SUCLG2: variants seen among roughly 807,000 people sequenced by gnomAD.
SUCLG2 encodes succinate--CoA ligase [GDP-forming] subunit beta, mitochondrial.
Under a neutral mutation model 47.9 loss-of-function variants are expected in SUCLG2, and 42 were observed. The observed-to-expected ratio is 0.88, with a 90% confidence interval of 0.69 to 1.14. The LOEUF (loss-of-function observed/expected upper bound fraction) is 1.14, where lower values mean the gene tolerates loss of function less well. Among genes scored for constraint, SUCLG2 ranks in the 50% most tolerant of loss-of-function variants. The pLI is 0.00. For missense variants in SUCLG2, 571 were observed against 525.9 expected (o/e 1.09, Z -0.84); for synonymous variants, 195 against 197.3 (o/e 0.99, Z 0.10).
At chr3:67,478,107 A>T (rs1438919570) in intron 9 of SUCLG2, among the ~76,000 whole-genome samples, 1 of 152,170 alleles carries the variant, frequency 6.6e-6, no homozygotes, top group Non-Finnish European at 1.5e-5. Flanking sequence ...AACTTAGGCA[A>T]CCTGGCTCTA....
At chr3:67,515,587 T>G (rs1256223446) in intron 6 of SUCLG2, among the ~76,000 whole-genome samples, 1 of 152,174 alleles carries the variant, frequency 6.6e-6, no homozygotes, top group African/African-American at 2.4e-5. Flanking sequence ...GTGAGGTACC[T>G]CCAAATGCCT....
At chr3:67,376,012 T>C in intron 10 of SUCLG2, 153 bp from the exon 11 acceptor site, 1 of 985,412 alleles carries the variant, frequency 1.0e-6, no homozygotes, top group Non-Finnish European at 1.2e-6. Context: ...CAGAAAAGAT[T>C]ATGTGATGAA....
chr3:67,559,206 T>C (rs1707241650), intron 2 of SUCLG2, among the ~76,000 whole-genome samples: 1 of 152,078 alleles, frequency 6.6e-6, no homozygotes, highest in African/African-American at 2.4e-5. Context: ...CATGAGAAGG[T>C]AGAGTAAGAG....
intron 2 of SUCLG2, among the ~76,000 whole-genome samples, chr3:67,569,690 T>C (rs951604812): frequency 3.0e-4 from 46 of 152,362 alleles, no homozygotes; most frequent in Middle Eastern, 3.4e-3. Context: ...AGATAACTTG[T>C]CTGGTTTCAC....
chr3:67,444,826 A>G (rs1313580499), intron 9 of SUCLG2, among the ~76,000 whole-genome samples: 1 of 8,224 alleles, frequency 1.2e-4, no homozygotes, highest in African/African-American at 6.7e-4. Context: ...TGGGGGTGTC[A>G]GTCCCCCGCC....
chr3:67,645,653 C>A (rs1701177638), intron 1 of SUCLG2, among the ~76,000 whole-genome samples: 1 of 151,942 alleles, frequency 6.6e-6, no homozygotes, highest in Admixed American at 6.6e-5. Context: ...TAAAAGAGCC[C>A]TGAATCTTAA....
chr3:67,432,001 T>C (rs993290179), intron 9 of SUCLG2, among the ~76,000 whole-genome samples: 28 of 152,178 alleles, frequency 1.8e-4, no homozygotes, highest in African/African-American at 6.0e-4. Flanking sequence ...GGGTGGTACA[T>C]TGAGGGTGTC....
chr3:67,466,465 TCAA>T (rs1414421078), intron 9 of SUCLG2, among the ~76,000 whole-genome samples: 6 of 152,242 alleles, frequency 3.9e-5, no homozygotes, highest in Non-Finnish European at 8.8e-5. Context: ...ACTGGTTTGA[TCAA>T]GGCTGACTGC....
chr3:67,500,075 T>G (rs1705455760), intron 7 of SUCLG2, among the ~76,000 whole-genome samples: 1 of 152,164 alleles, frequency 6.6e-6, no homozygotes, highest in Admixed American at 6.5e-5. Flanking sequence ...CAGGAATCTT[T>G]GAACAATAAT....
chr3:67,577,155 C>T (rs983616375), intron 2 of SUCLG2, among the ~76,000 whole-genome samples: 2 of 151,902 alleles, frequency 1.3e-5, no homozygotes, highest in Admixed American at 6.6e-5. Context: ...CTAAAAAGTA[C>T]AAAAAAATTA....
chr3:67,436,203 A>G (rs1703616610), intron 9 of SUCLG2, among the ~76,000 whole-genome samples: 1 of 152,348 alleles, frequency 6.6e-6, no homozygotes, highest in East Asian at 1.9e-4. Context: ...GCTACTGCTA[A>G]TAATGAATGA....
chr3:67,494,666 T>G (rs1705285251), intron 9 of SUCLG2, among the ~76,000 whole-genome samples: 1 of 152,112 alleles, frequency 6.6e-6, no homozygotes, highest in South Asian at 2.1e-4. Context: ...AAGTTTTATA[T>G]CAAATTGTTG....
In SUCLG2 at chr3:67,363,844, T is replaced by A. The variant is rs540192632; in HGVS notation, c.1184-3076A>T. On this transcript the variant is annotated intron_variant, in intron 10 of 10. Coordinates refer to the SUCLG2 transcript ENST00000493112. ...CTGTACAAAAGTAAATTTCTGGACA[T>A]TCTACATCAAATATAAGATGGCTTT... Among the ~76,000 whole-genome samples, 3 of 134,794 alleles carry A rather than the reference T, an allele frequency of 2.2e-5. No homozygotes were observed. The South Asian group carries it at 7.5e-4, about 34-fold the overall frequency. 88.4% of individuals were successfully genotyped at this position (134,794 alleles called of 152,430 possible). A position where few individuals can be genotyped will look rare whatever the true frequency, so the allele number is the denominator to read the frequency against.
chr3:67,459,272 T>G (rs142727990), intron 9 of SUCLG2, among the ~76,000 whole-genome samples: 5 of 152,298 alleles, frequency 3.3e-5, no homozygotes, highest in African/African-American at 1.2e-4. Context: ...CTTTGTATTC[T>G]GAAATAACAA....
At chr3:67,491,945 C>G (rs909827461) in intron 9 of SUCLG2, among the ~76,000 whole-genome samples, 3 of 152,082 alleles carry the variant, frequency 2.0e-5, no homozygotes, top group Admixed American at 6.6e-5. Context: ...AAATAGCATG[C>G]CCAAGGTCCC....
intron 1 of SUCLG2, among the ~76,000 whole-genome samples, chr3:67,653,670 G>A (rs1270858128): frequency 2.0e-5 from 3 of 152,244 alleles, no homozygotes; most frequent in Non-Finnish European, 4.4e-5. Flanking sequence ...TAAAAGGGAA[G>A]AGAGATAGTC....
At chr3:67,508,714 C>A in intron 7 of SUCLG2, 93 bp downstream of exon 7, 1 of 938,614 alleles carries the variant, frequency 1.1e-6, no homozygotes, top group South Asian at 1.8e-5. Context: ...GAAATTTATG[C>A]AAAGCTGCTG....
At chr3:67,603,482 T>C (rs1376972521) in intron 2 of SUCLG2, among the ~76,000 whole-genome samples, 1 of 152,202 alleles carries the variant, frequency 6.6e-6, no homozygotes, top group African/African-American at 2.4e-5. Context: ...AATGGAAACA[T>C]GTTATAGCTG....
chr3:67,412,927 AG>A (rs1364277536), intron 9 of SUCLG2, among the ~76,000 whole-genome samples: 1 of 152,186 alleles, frequency 6.6e-6, no homozygotes, highest in Non-Finnish European at 1.5e-5. Context: ...TCAACCTTCT[AG>A]AACTGGAAGG....
Sources: allele counts gnomAD v4.1 joint callset (sites outside exome capture counted in the v4.1 genomes callset), GRCh38; gene constraint gnomAD v4.1.1; transcripts MANE v1.5; gene names NCBI Gene and HGNC (gene_info 2026-07-23, HGNC 2026-07-21).